COL4A2: variants seen among roughly 807,000 people sequenced by gnomAD.
The protein encoded by COL4A2 is collagen alpha-2(IV) chain.
A neutral mutation model predicts 200.2 loss-of-function variants in COL4A2; 99 were observed. That is an observed-to-expected ratio of 0.49 (90% CI 0.42 to 0.58). COL4A2 has a LOEUF of 0.58. COL4A2 is among the 20% of genes least tolerant of loss of function. The pLI is 0.00. For synonymous variants in COL4A2, 897 were observed against 900.6 expected (o/e 1.00, Z 0.07); for missense variants, 1,950 against 2,314.1 (o/e 0.84, Z 3.23).
chr13:110,348,059 G>T (rs979271973), intron 3 of COL4A2, among the ~76,000 whole-genome samples: 1 of 152,190 alleles, frequency 6.6e-6, no homozygotes, highest in Non-Finnish European at 1.5e-5. Flanking sequence ...AGCCCAACTC[G>T]TTGAACTACT....
At chr13:110,365,094 A>G (rs1877685460) in intron 4 of COL4A2, among the ~76,000 whole-genome samples, 1 of 151,892 alleles carries the variant, frequency 6.6e-6, no homozygotes, top group African/African-American at 2.4e-5. Flanking sequence ...TGCATAATCC[A>G]CTGCCTGTGT....
chr13:110,344,388 T>C (rs1436053226), intron 3 of COL4A2, among the ~76,000 whole-genome samples: 4 of 152,196 alleles, frequency 2.6e-5, no homozygotes, highest in African/African-American at 2.4e-5. Flanking sequence ...GACGACAACA[T>C]TGAGGTTTAA....
chr13:110,407,995 G>T (rs1013723237), intron 4 of COL4A2, among the ~76,000 whole-genome samples: 1 of 152,250 alleles, frequency 6.6e-6, no homozygotes, highest in Admixed American at 6.5e-5. Context: ...CCTCTAGACA[G>T]AGGCGTCCAG....
rs746749693 is a variant in COL4A2, at chr13:110,449,694, C to T, written c.1094C>T (p.Pro365Leu). Reference sequence around the variant, plus strand: ...TCCCTTCCAGGTGCCAGAGGTGACCCGGGATTCCCAGGGGCCCAAGGGGAG... The same window carrying T: ...TCCCTTCCAGGTGCCAGAGGTGACCTGGGATTCCCAGGGGCCCAAGGGGAG... ...PSLAKGARGD[P>L]GFPGAQGEPG... The change falls in exon 19 of 48, where the codon CCG becomes CTG. Residue 365 changes from proline (P) to leucine (L), a missense_variant. By Grantham distance (98) the Pro-to-Leu change is moderately conservative. Transcript: ENST00000360467. The T allele has an allele frequency of 2.3e-5, 36 of 1,548,592 alleles. No individual in the cohort carries two copies. The highest frequency in any genetic ancestry group is 1.2e-4 in the Admixed American group (6 of 50,534).
At position 110,307,962 on chromosome 13, in the gene COL4A2, G is replaced by C. The variant is rs371295752; in HGVS notation, c.44+15G>C. On this transcript the variant is annotated intron_variant, in intron 2 of 47. Coordinates refer to ENST00000360467, the MANE Select transcript of COL4A2 (RefSeq NM_001846.4). The surrounding 1 kb of genome is among the most constrained non-coding windows in gnomAD (Gnocchi z 5.0). ...GCCCTACGGCGGTAAGCGACTTTCT[G>C]CCTGGTCCCCGTGGGTCACGCGCGC... The C allele has an allele frequency of 1.9e-6, 3 of 1,612,428 alleles. No homozygotes were observed. Among genetic ancestry groups the C allele is most frequent in the Non-Finnish European group, 2.5e-6 (3 of 1,179,546 alleles).
In COL4A2 at chr13:110,387,748, G is replaced by A. The variant is rs112436564; in HGVS notation, c.180+30196G>A. Among the ~76,000 whole-genome samples the A allele has an allele frequency of 1.9e-3, 290 of 152,288 alleles. 1 individual carries two copies. The highest frequency in any genetic ancestry group is 6.7e-3 in the African/African-American group (277 of 41,570). ...TAGGCAGCCTTGGGAGTGACATCAC[G>A]GTTTCCTCTTTTAAGGCGATTCTGA... On this transcript the variant is annotated intron_variant, in intron 4 of 47. Coordinates refer to ENST00000360467, the MANE Select transcript of COL4A2 (RefSeq NM_001846.4).
intron 4 of COL4A2, among the ~76,000 whole-genome samples, chr13:110,365,122 G>C (rs1450779783): frequency 1.3e-5 from 2 of 151,728 alleles, no homozygotes; most frequent in Non-Finnish European, 2.9e-5. Context: ...CAAGTTTCCT[G>C]TTTTTCAAGG....
chr13:110,342,284 T>G (rs953996906), intron 3 of COL4A2, among the ~76,000 whole-genome samples: 1 of 152,224 alleles, frequency 6.6e-6, no homozygotes, highest in Admixed American at 6.5e-5. Context: ...GAACTTAACA[T>G]TAAATCAAGT....
At chr13:110,409,318 C>T (rs1357564750) in intron 4 of COL4A2, among the ~76,000 whole-genome samples, 1 of 152,180 alleles carries the variant, frequency 6.6e-6, no homozygotes, top group East Asian at 1.9e-4. Context: ...ACGGGTAAAT[C>T]GCAATATGGA....
intron 4 of COL4A2, among the ~76,000 whole-genome samples, chr13:110,407,374 A>C (rs1389468993): frequency 6.6e-6 from 1 of 152,226 alleles, no homozygotes; most frequent in Non-Finnish European, 1.5e-5. Flanking sequence ...ACAGTTGTGG[A>C]GATGTCAGCA....
chr13:110,466,189 T>G lies in COL4A2; in HGVS notation c.2038+127T>G, dbSNP rs1008762278. 1.2e-5 allele frequency: 14 copies of G among 1,130,890 alleles called. No individual in the cohort carries two copies. The East Asian group carries it at 3.1e-4, about 25-fold the overall frequency. The allele number at this position is 1,130,890 out of a possible 1,614,324, so 70.1% of individuals were successfully genotyped here. A position where few individuals can be genotyped will look rare whatever the true frequency, so the allele number is the denominator to read the frequency against. ...ATGTGCAAGCCACGTTTGATTTCCA[T>G]GGCACAACATAGTGGCCTGGTGAGC... is the stretch of plus-strand genomic sequence containing the variant. On this transcript the variant is annotated intron_variant, in intron 26 of 47. Transcript: ENST00000360467.
chr13:110,388,282 C>G (rs938930451), intron 4 of COL4A2, among the ~76,000 whole-genome samples: 2 of 152,334 alleles, frequency 1.3e-5, no homozygotes, highest in East Asian at 3.9e-4. Flanking sequence ...AGGCAGCTGC[C>G]GGCACCTTGG....
At chr13:110,392,510 G>A (rs752573751) in intron 4 of COL4A2, among the ~76,000 whole-genome samples, 7 of 152,132 alleles carry the variant, frequency 4.6e-5, no homozygotes, top group Admixed American at 3.9e-4. Context: ...GGGCTCTTCC[G>A]GCCCCTCTGC....
chr13:110,466,707 C>T (rs1196568646), intron 26 of COL4A2, among the ~76,000 whole-genome samples: 1 of 152,212 alleles, frequency 6.6e-6, no homozygotes, highest in Non-Finnish European at 1.5e-5. Flanking sequence ...AAAGCATCCA[C>T]ACTGACTTGC....
chr13:110,496,445 G>C (rs1007751405), intron 40 of COL4A2, among the ~76,000 whole-genome samples: 1 of 152,256 alleles, frequency 6.6e-6, no homozygotes, highest in African/African-American at 2.4e-5. Context: ...AAGAGGAGGG[G>C]CTCTGCCAAC....
intron 3 of COL4A2, among the ~76,000 whole-genome samples, chr13:110,332,748 G>A (rs1380091101): frequency 6.6e-6 from 1 of 152,172 alleles, no homozygotes; most frequent in Non-Finnish European, 1.5e-5. Context: ...GTGTTGAAAG[G>A]TGACCAATGA....
At chr13:110,470,906 C>T (rs911302882) in intron 28 of COL4A2, among the ~76,000 whole-genome samples, 1 of 152,138 alleles carries the variant, frequency 6.6e-6, no homozygotes, top group African/African-American at 2.4e-5. Context: ...TGATGCGTTT[C>T]TCCATGTTTT....
intron 3 of COL4A2, among the ~76,000 whole-genome samples, chr13:110,321,499 A>C (rs970412247): frequency 1.3e-5 from 2 of 151,680 alleles, no homozygotes; most frequent in Admixed American, 1.3e-4. Context: ...TCCTTCCCCC[A>C]CCCTCTGTTA....
intron 14 of COL4A2, 24 bp downstream of exon 14, chr13:110,438,061 C>A (rs1197962216): frequency 1.2e-6 from 2 of 1,608,912 alleles, no homozygotes; most frequent in Admixed American, 3.4e-5. Context: ...TGAGCATGCC[C>A]CCTCCCCTGT....
Sources: allele counts gnomAD v4.1 joint callset (sites outside exome capture counted in the v4.1 genomes callset), GRCh38; gene constraint gnomAD v4.1.1; non-coding constraint Gnocchi (gnomAD v3.1); transcripts MANE v1.5; gene names NCBI Gene and HGNC (gene_info 2026-07-23, HGNC 2026-07-21).